The following DNAH9 variants were observed in gnomAD, a reference collection of about 807,000 sequenced individuals.
DNAH9 encodes the protein dynein axonemal heavy chain 9.
DNAH9 carries 345 observed loss-of-function variants against 471.6 expected under a neutral mutation model. The ratio of observed to expected loss-of-function variants is 0.73; its 90% confidence interval spans 0.67 to 0.80. DNAH9 has a LOEUF of 0.80. Ranked by LOEUF, DNAH9 falls within the 30% of genes least tolerant of loss-of-function variation. The pLI is 0.00. For synonymous variants in DNAH9, 2,093 were observed against 2,123.6 expected, an observed-to-expected ratio of 0.99 and a Z score of 0.40; for missense variants, 5,407 against 5,609.2, an observed-to-expected ratio of 0.96 and a Z score of 1.15.
chr17:11,923,256 T>C (rs1974198236), intron 61 of DNAH9, among the ~76,000 whole-genome samples: 1 of 151,884 alleles, frequency 6.6e-6, no homozygotes, highest in Non-Finnish European at 1.5e-5. Flanking sequence ...TTTGTATTTT[T>C]AGTAAAGATG....
intron 66 of DNAH9, among the ~76,000 whole-genome samples, chr17:11,941,859 C>A (rs1297852454): frequency 1.3e-5 from 2 of 151,592 alleles, no homozygotes; most frequent in Admixed American, 1.3e-4. Flanking sequence ...TTGTATATAA[C>A]TGTATATTGA....
intron 49 of DNAH9, among the ~76,000 whole-genome samples, chr17:11,835,975 G>A (rs946825550): frequency 6.6e-6 from 1 of 152,162 alleles, no homozygotes; most frequent in Non-Finnish European, 1.5e-5. Context: ...AGATTTCTGG[G>A]ATGTAAGTTA....
intron 60 of DNAH9, among the ~76,000 whole-genome samples, chr17:11,904,504 C>T (rs1286633570): frequency 1.3e-5 from 2 of 152,090 alleles, no homozygotes; most frequent in Non-Finnish European, 2.9e-5. Flanking sequence ...TGGCACTCGC[C>T]TGTAGTCCCA....
intron 29 of DNAH9, among the ~76,000 whole-genome samples, chr17:11,739,375 C>T (rs1427575281): frequency 3.9e-5 from 6 of 152,154 alleles, no homozygotes; most frequent in Non-Finnish European, 5.9e-5. Context: ...TGGCTGCATA[C>T]TTTTTTATCA....
intron 17 of DNAH9, among the ~76,000 whole-genome samples, chr17:11,675,140 G>A (rs1241874595): frequency 2.0e-5 from 3 of 152,084 alleles, no homozygotes; most frequent in African/African-American, 7.2e-5. Context: ...GTCTTTCGGT[G>A]AAATTTTGTA....
At chr17:11,779,887 G>C (rs1968604788) in intron 38 of DNAH9, among the ~76,000 whole-genome samples, 1 of 152,272 alleles carries the variant, frequency 6.6e-6, no homozygotes, top group African/African-American at 2.4e-5. Flanking sequence ...CAGAAAATTA[G>C]AATATTCGAG....
intron 48 of DNAH9, among the ~76,000 whole-genome samples, chr17:11,832,663 T>C (rs1970717651): frequency 6.6e-6 from 1 of 152,204 alleles, no homozygotes; most frequent in Admixed American, 6.5e-5. Context: ...TGATCTGCCC[T>C]GAAAAGGGAA....
intron 61 of DNAH9, among the ~76,000 whole-genome samples, chr17:11,906,765 G>A (rs1973617367): frequency 6.6e-6 from 1 of 152,064 alleles, no homozygotes; most frequent in Non-Finnish European, 1.5e-5. Context: ...ACTAATGCAG[G>A]AACAGAAAAC....
chr17:11,762,770 G>GTTTTTGTTTTTTTTT (rs1967747976), intron 35 of DNAH9, among the ~76,000 whole-genome samples: 2 of 90,744 alleles, frequency 2.2e-5, no homozygotes, highest in Non-Finnish European at 4.4e-5. Flanking sequence ...TTTTTTTTTT[G>GTTTTTGTTTTTTTTT]TTTTTTTTTT....
chr17:11,962,352 A>C lies in DNAH9; in HGVS notation c.13233+96A>C. 6.8e-7 allele frequency: 1 copy of C among 1,464,870 alleles called. No individual in the cohort carries two copies. The highest frequency in any genetic ancestry group is 9.0e-7 in the Non-Finnish European group (1 of 1,111,392). 90.7% of individuals were successfully genotyped at this position (1,464,870 alleles called of 1,614,324 possible). A position where few individuals can be genotyped will look rare whatever the true frequency, so the allele number is the denominator to read the frequency against. On this transcript the variant is annotated intron_variant, in intron 68 of 68. Transcript: ENST00000262442. This position sits in a 1 kb window ranked among gnomAD's most constrained non-coding sequence, Gnocchi z 4.1. ...GTGACTACTAAAAGAGATATTCCTGAATCTTTTTCTCTAGCTAACCTTCTT... is the reference window on the plus strand; with the variant it reads ...GTGACTACTAAAAGAGATATTCCTGCATCTTTTTCTCTAGCTAACCTTCTT...
At chr17:11,610,645 C>A (rs2072614964) in intron 3 of DNAH9, 91 bp downstream of exon 3, 1 of 1,170,404 alleles carries the variant, frequency 8.5e-7, no homozygotes, top group Non-Finnish European at 1.2e-6. Flanking sequence ...CACCATTGAG[C>A]CTATTCTTCC....
chr17:11,774,652 G>A (rs1968348764), intron 38 of DNAH9, among the ~76,000 whole-genome samples: 1 of 152,136 alleles, frequency 6.6e-6, no homozygotes, highest in Non-Finnish European at 1.5e-5. Context: ...TAGGGATTAT[G>A]GGAGCTACAA....
At chr17:11,961,722 C>T (rs1976199094) in intron 67 of DNAH9, 145 bp from the exon 68 acceptor site, 1 of 1,001,980 alleles carries the variant, frequency 1.0e-6, no homozygotes, top group African/African-American at 1.6e-5. Flanking sequence ...GTCACCTACC[C>T]CTGGAGTTTT....
intron 2 of DNAH9, 37 bp downstream of exon 2, chr17:11,608,362 A>G (rs760821470): frequency 3.5e-6 from 5 of 1,443,288 alleles, no homozygotes; most frequent in Non-Finnish European, 4.8e-6. Flanking sequence ...GGCCTCTGAG[A>G]TATGGGAGAT....
intron 9 of DNAH9, among the ~76,000 whole-genome samples, chr17:11,638,880 A>G (rs1198471961): frequency 6.6e-6 from 1 of 151,984 alleles, no homozygotes; most frequent in East Asian, 1.9e-4. Context: ...TGAGGTCCCC[A>G]TTTCCTGTTG....
At chr17:11,625,694 C>T (rs1249281821) in intron 6 of DNAH9, among the ~76,000 whole-genome samples, 1 of 152,148 alleles carries the variant, frequency 6.6e-6, no homozygotes, top group Non-Finnish European at 1.5e-5. Context: ...ATTGAATCCT[C>T]CCCACATCCC....
intron 62 of DNAH9, among the ~76,000 whole-genome samples, chr17:11,925,869 C>T (rs908739125): frequency 6.6e-6 from 1 of 151,954 alleles, no homozygotes; most frequent in Admixed American, 6.6e-5. Flanking sequence ...CGTAATCTGT[C>T]CACACTGTAA....
chr17:11,671,861 C>A (rs942037975), intron 17 of DNAH9, among the ~76,000 whole-genome samples: 1 of 152,160 alleles, frequency 6.6e-6, no homozygotes, highest in African/African-American at 2.4e-5. Flanking sequence ...CACAGTAGAG[C>A]AGCTAGGAGG....
intron 6 of DNAH9, among the ~76,000 whole-genome samples, 176 bp from the exon 7 acceptor site, chr17:11,629,241 C>T (rs915882414): frequency 2.6e-5 from 4 of 151,852 alleles, no homozygotes; most frequent in African/African-American, 7.3e-5. Context: ...AATGCTATCC[C>T]TCCCCCATCC....
Sources: gnomAD v4.1 joint callset for allele counts (sites outside exome capture counted in the v4.1 genomes callset) on GRCh38, gnomAD v4.1.1 for gene constraint, Gnocchi (gnomAD v3.1) non-coding constraint, MANE v1.5 for transcripts, NCBI Gene and HGNC (gene_info 2026-07-23, HGNC 2026-07-21) for gene names.